The following CORIN variants were observed in gnomAD, a reference collection of about 807,000 sequenced individuals.
CORIN encodes atrial natriuretic peptide-converting enzyme.
Under a neutral mutation model 125.3 loss-of-function variants are expected in CORIN, and 117 were observed. That is an observed-to-expected ratio of 0.93 (90% CI 0.80 to 1.09). The LOEUF (loss-of-function observed/expected upper bound fraction) is 1.09. CORIN is among the 50% of genes least tolerant of loss of function. CORIN has a pLI of 0.00. For synonymous variants in CORIN, 450 were observed against 466.4 expected (o/e 0.96, Z 0.45); for missense variants, 1,253 against 1,306.7 (o/e 0.96, Z 0.63).
intron 13 of CORIN, chr4:47,652,807 T>C (rs1723794845): frequency 6.6e-6 from 1 of 152,252 alleles, no homozygotes; most frequent in Non-Finnish European, 1.5e-5. Flanking sequence ...GAACTCTGAA[T>C]GTTGGAGTAT....
At chr4:47,652,984 T>C (rs1723802924) in intron 13 of CORIN, among the ~76,000 whole-genome samples, 1 of 152,202 alleles carries the variant, frequency 6.6e-6, no homozygotes, top group Non-Finnish European at 1.5e-5. Flanking sequence ...TGTTTGCAAA[T>C]ATAGTAGTGC....
chr4:47,837,835 C>T (rs1733530353), intron 1 of CORIN, 52 bp downstream of exon 1: 1 of 1,504,244 alleles, frequency 6.6e-7, no homozygotes, highest in Admixed American at 1.7e-5. Flanking sequence ...TTCACCGGGA[C>T]TAAGAGGCCA....
chr4:47,672,465 C>G (rs1039262325), intron 10 of CORIN, among the ~76,000 whole-genome samples: 2 of 152,028 alleles, frequency 1.3e-5, no homozygotes, highest in African/African-American at 2.4e-5. Flanking sequence ...GTCAAACAAC[C>G]CCCAAAACTT....
At chr4:47,702,748 T>G (rs1726363027) in intron 5 of CORIN, among the ~76,000 whole-genome samples, 1 of 152,130 alleles carries the variant, frequency 6.6e-6, no homozygotes, top group Non-Finnish European at 1.5e-5. Context: ...TCTTTCAAAT[T>G]TACAGTGAAA....
intron 2 of CORIN, among the ~76,000 whole-genome samples, chr4:47,799,907 G>T (rs1731465182): frequency 1.3e-5 from 2 of 152,130 alleles, no homozygotes; most frequent in South Asian, 2.1e-4. Context: ...ATGAAATATT[G>T]TTCAGCCATT....
chr4:47,694,736 A>G (rs879304836), intron 5 of CORIN, among the ~76,000 whole-genome samples: 2 of 152,114 alleles, frequency 1.3e-5, no homozygotes, highest in Admixed American at 6.5e-5. Flanking sequence ...GTTCTCGATT[A>G]ATATATTTCC....
chr4:47,757,537 G>A (rs572491670), intron 4 of CORIN, among the ~76,000 whole-genome samples: 3 of 151,380 alleles, frequency 2.0e-5, no homozygotes, highest in African/African-American at 7.3e-5. Context: ...AGAGGTTGCA[G>A]TGAGCCGAGA....
chr4:47,725,371 C>A (rs1727540384), intron 5 of CORIN, among the ~76,000 whole-genome samples: 1 of 151,952 alleles, frequency 6.6e-6, no homozygotes, highest in Non-Finnish European at 1.5e-5. Context: ...TTTGTTAAGT[C>A]TTAATATCAA....
At chr4:47,663,682 T>A (rs1225950977) in intron 11 of CORIN, among the ~76,000 whole-genome samples, 1 of 152,116 alleles carries the variant, frequency 6.6e-6, no homozygotes, top group African/African-American at 2.4e-5. Flanking sequence ...TATCTACATA[T>A]GAAAAGAAAG....
chr4:47,601,279 C>CGTAT (rs1387365646), intron 20 of CORIN, among the ~76,000 whole-genome samples: 2 of 150,660 alleles, frequency 1.3e-5, no homozygotes, highest in African/African-American at 4.9e-5. Context: ...GAAAGTTATA[C>CGTAT]AGTCAGATCA....
intron 2 of CORIN, among the ~76,000 whole-genome samples, chr4:47,791,660 G>T (rs1165682107): frequency 6.6e-6 from 1 of 152,172 alleles, no homozygotes; most frequent in Non-Finnish European, 1.5e-5. Context: ...ATGGCAAATA[G>T]ACATATACAT....
At chr4:47,689,376 T>G (rs575007331) in intron 6 of CORIN, among the ~76,000 whole-genome samples, 1 of 152,284 alleles carries the variant, frequency 6.6e-6, no homozygotes, top group Non-Finnish European at 1.5e-5. Context: ...CTTGCCTAAG[T>G]TATCAGAGGC....
chr4:47,786,620 T>C (rs1164558242), intron 3 of CORIN, 105 bp downstream of exon 3: 3 of 809,044 alleles, frequency 3.7e-6, no homozygotes, highest in Middle Eastern at 2.5e-4. Flanking sequence ...GAGATTTTCC[T>C]GTGTGACCGG....
chr4:47,678,242 A>C (rs993650231), intron 8 of CORIN, among the ~76,000 whole-genome samples, 188 bp from the exon 9 acceptor site: 1 of 152,216 alleles, frequency 6.6e-6, no homozygotes, highest in African/African-American at 2.4e-5. Flanking sequence ...TACCAAGATT[A>C]ACTTTTTCTT....
chr4:47,663,390 G>C (rs1270975944), intron 11 of CORIN, among the ~76,000 whole-genome samples: 1 of 151,970 alleles, frequency 6.6e-6, no homozygotes, highest in Admixed American at 6.6e-5. Flanking sequence ...ATTGCTTTAT[G>C]AACTTATTAG....
chr4:47,691,303 A>G (rs773075761), intron 6 of CORIN, among the ~76,000 whole-genome samples: 22 of 152,188 alleles, frequency 1.4e-4, no homozygotes, highest in Non-Finnish European at 2.6e-4. Flanking sequence ...CATAAATTGG[A>G]TATCGTTACA....
At chr4:47,741,897 G>A (rs958207355) in intron 5 of CORIN, among the ~76,000 whole-genome samples, 7 of 151,966 alleles carry the variant, frequency 4.6e-5, no homozygotes, top group African/African-American at 1.2e-4. Context: ...TTTACCAGGG[G>A]CTGAGGAGAG....
intron 12 of CORIN, among the ~76,000 whole-genome samples, chr4:47,654,858 A>T (rs1723897536): frequency 1.3e-5 from 2 of 151,514 alleles, no homozygotes; most frequent in African/African-American, 4.9e-5. Context: ...TGCTTGTGCC[A>T]CCCCTTCCCC....
At chr4:47,792,545 G>C (rs139830777) in intron 2 of CORIN, among the ~76,000 whole-genome samples, 1 of 152,150 alleles carries the variant, frequency 6.6e-6, no homozygotes, top group Non-Finnish European at 1.5e-5. Context: ...AGGTCCCTTC[G>C]AGGTCTCTGG....
Sources: gnomAD v4.1 joint callset for allele counts (sites outside exome capture counted in the v4.1 genomes callset) on GRCh38, gnomAD v4.1.1 for gene constraint, MANE v1.5 for transcripts, NCBI Gene and HGNC (gene_info 2026-07-23, HGNC 2026-07-21) for gene names.